The following SLIT3 variants were observed in gnomAD, a reference collection of about 807,000 sequenced individuals.
The protein encoded by SLIT3 is slit homolog 3 protein.
SLIT3 carries 68 observed loss-of-function variants against 184.0 expected under a neutral mutation model. The observed-to-expected ratio is 0.37, with a 90% CI of 0.30 to 0.45. The LOEUF (loss-of-function observed/expected upper bound fraction) is 0.45, where lower values mean the gene tolerates loss of function less well. Ranked by LOEUF, SLIT3 falls within the 20% of genes least tolerant of loss-of-function variation. The probability of loss-of-function intolerance (pLI) is 1.00; values close to 1 mark genes in which losing one functional copy is unlikely to be tolerated. For synonymous variants in SLIT3, 831 were observed against 828.6 expected (o/e 1.00, Z -0.05); for missense variants, 1,707 against 2,026.0 (o/e 0.84, Z 3.02).
intron 4 of SLIT3, among the ~76,000 whole-genome samples, chr5:169,099,391 A>ATTG (rs374946853): frequency 5.3e-5 from 8 of 152,096 alleles, no homozygotes; most frequent in African/African-American, 1.9e-4. Context: ...TCATTCCTTA[A>ATTG]TTCAATGAAC....
In SLIT3 at chr5:168,666,591, G is replaced by A. The variant is rs141803746; in HGVS notation, c.4435C>T (p.Arg1479Cys). The A allele has an allele frequency of 1.5e-4, 240 of 1,614,192 alleles. 1 individual carries two copies. The East Asian group carries it at 3.4e-3, about 23-fold the overall frequency. ...TASKVPIMEC[R>C]GGCGPQCCQP... ...CAGCACTGGGGCCCACAGCCCCCAC[G>A]ACATTCCATGATGGGCACCTTGGAG... Residue 1479 changes from arginine to cysteine, a missense_variant, in exon 36 of 36, where the codon CGT (arginine) becomes TGT (cysteine). Transcript: ENST00000519560.
In SLIT3 at chr5:168,806,469, G is replaced by A. The variant is rs3797715; in HGVS notation, c.912C>T (p.Asn304=). 239,254 of 1,613,928 alleles carry A rather than the reference G, an allele frequency of 0.15. 19,158 individuals are homozygous for A. Among genetic ancestry groups the A allele is most frequent in the East Asian group, 0.29 (13,049 of 44,862 alleles). Residue 304 remains asparagine (N), a synonymous_variant, in exon 9 of 36, where the codon AAC becomes AAT. Transcript: ENST00000519560. ...ACATTTCGACGATGCCCTCCGGCAA[G>A]TTGGCAGGAATCTCCATCAAGCCCT... ...RGKGLMEIPA[N]LPEGIVEIRL... is the part of the protein sequence containing the mutation.
intron 3 of SLIT3, among the ~76,000 whole-genome samples, chr5:169,198,991 TA>T (rs1763830113): frequency 8.1e-6 from 1 of 122,976 alleles, no homozygotes; most frequent in Non-Finnish European, 2.0e-5. Context: ...TGTGTATATT[TA>T]TATATATATA....
chr5:168,869,945 T>C (rs1759450087), intron 5 of SLIT3, among the ~76,000 whole-genome samples: 1 of 152,206 alleles, frequency 6.6e-6, no homozygotes, highest in Non-Finnish European at 1.5e-5. Context: ...TCGGTGTAAA[T>C]GGACACATCG....
At chr5:169,207,189 C>T (rs532955348) in intron 3 of SLIT3, among the ~76,000 whole-genome samples, 1 of 151,974 alleles carries the variant, frequency 6.6e-6, no homozygotes, top group Admixed American at 6.6e-5. Context: ...TTCCACATCC[C>T]AACCACAGCT....
intron 1 of SLIT3, among the ~76,000 whole-genome samples, chr5:169,276,420 T>A (rs1766808705): frequency 6.6e-6 from 1 of 152,186 alleles, no homozygotes; most frequent in South Asian, 2.1e-4. Flanking sequence ...CTGGAGTCCA[T>A]TACCAATTTG....
chr5:169,103,001 A>C (rs956623737), intron 4 of SLIT3, among the ~76,000 whole-genome samples: 1 of 152,190 alleles, frequency 6.6e-6, no homozygotes, highest in Admixed American at 6.5e-5. Context: ...CTTGACTATG[A>C]TAATAAAAGT....
chr5:169,145,465 C>A (rs1384934679), intron 4 of SLIT3, among the ~76,000 whole-genome samples: 1 of 152,156 alleles, frequency 6.6e-6, no homozygotes, highest in Admixed American at 6.5e-5. Context: ...CTTAATGAGG[C>A]TCTCCATGTA....
At chr5:169,026,942 G>T (rs2113509634) in intron 4 of SLIT3, among the ~76,000 whole-genome samples, 1 of 152,304 alleles carries the variant, frequency 6.6e-6, no homozygotes. Flanking sequence ...CAGGAGGCTT[G>T]AAGTCTGAAT....
chr5:169,274,247 C>T (rs1046827986), intron 1 of SLIT3, among the ~76,000 whole-genome samples: 7 of 152,148 alleles, frequency 4.6e-5, no homozygotes, highest in Non-Finnish European at 1.0e-4. Flanking sequence ...CCGATTTATG[C>T]TGTGGGAATT....
At chr5:168,811,567 CACAGGTTGTGTAAGCT>C (rs1369499616) in intron 8 of SLIT3, among the ~76,000 whole-genome samples, 1 of 152,200 alleles carries the variant, frequency 6.6e-6, no homozygotes, top group Non-Finnish European at 1.5e-5. Context: ...GGGACTGAGA[CACAGGTTGTGTAAGCT>C]ACACTAGAGA....
intron 4 of SLIT3, among the ~76,000 whole-genome samples, chr5:169,092,907 T>C (rs1486099731): frequency 6.6e-6 from 1 of 152,210 alleles, no homozygotes; most frequent in Non-Finnish European, 1.5e-5. Flanking sequence ...GGCATAGAAC[T>C]ATTATGCTGA....
At chr5:169,116,449 A>G (rs1760666841) in intron 4 of SLIT3, among the ~76,000 whole-genome samples, 1 of 152,224 alleles carries the variant, frequency 6.6e-6, no homozygotes, top group Non-Finnish European at 1.5e-5. Flanking sequence ...CAAAGTACCA[A>G]GATATCTCTC....
chr5:169,159,413 C>T lies in SLIT3; in HGVS notation c.413+34066G>A, dbSNP rs757698075. On this transcript the variant is annotated intron_variant, in intron 4 of 35. Coordinates refer to ENST00000519560, the MANE Select transcript of SLIT3 (RefSeq NM_003062.4). ...TGCACTCCAGCTTGGGCAACAAGAG[C>T]GAAACTCCATCTCAAAAAAACAAAA... Among the ~76,000 whole-genome samples the T allele has an allele frequency of 5.9e-5, 9 of 151,542 alleles. No homozygotes were observed. The South Asian group carries it at 1.3e-3, about 21-fold the overall frequency.
intron 23 of SLIT3, among the ~76,000 whole-genome samples, chr5:168,716,230 C>T (rs1382188929): frequency 6.6e-6 from 1 of 152,154 alleles, no homozygotes; most frequent in Admixed American, 6.5e-5. Flanking sequence ...CCACCTCAGC[C>T]TCCCAAAGTG....
At chr5:168,910,469 C>T (rs1216092930) in intron 4 of SLIT3, among the ~76,000 whole-genome samples, 1 of 152,170 alleles carries the variant, frequency 6.6e-6, no homozygotes, top group South Asian at 2.1e-4. Context: ...TGCCGCCGGG[C>T]GTGGTGGCTC....
chr5:169,114,585 C>A (rs536714990), intron 4 of SLIT3, among the ~76,000 whole-genome samples: 1 of 152,198 alleles, frequency 6.6e-6, no homozygotes, highest in East Asian at 1.9e-4. Flanking sequence ...CACCATAGGG[C>A]CAGGGTGTCC....
intron 10 of SLIT3, among the ~76,000 whole-genome samples, chr5:168,793,740 G>A (rs536470832): frequency 9.9e-5 from 15 of 151,400 alleles, no homozygotes; most frequent in African/African-American, 3.2e-4. Context: ...GACTGAACTT[G>A]TCATTTTTCA....
At chr5:168,894,835 T>G (rs754081857) in intron 4 of SLIT3, among the ~76,000 whole-genome samples, 10 of 152,190 alleles carry the variant, frequency 6.6e-5, no homozygotes, top group Non-Finnish European at 1.5e-4. Flanking sequence ...CTGGCACTCA[T>G]AGAGATTAGG....
Sources: allele counts gnomAD v4.1 joint callset (sites outside exome capture counted in the v4.1 genomes callset), GRCh38; gene constraint gnomAD v4.1.1; transcripts MANE v1.5; gene names NCBI Gene and HGNC (gene_info 2026-07-23, HGNC 2026-07-21).